Variants in KAZN observed in about 807,000 individuals in gnomAD.
KAZN encodes kazrin.
A neutral mutation model predicts 87.4 loss-of-function variants in KAZN; 40 were observed. The observed-to-expected ratio is 0.46, with a 90% confidence interval of 0.36 to 0.60. The LOEUF is 0.60. Among genes scored for constraint, KAZN ranks in the 20% least tolerant of loss-of-function variants. KAZN has a pLI of 0.00. For missense variants in KAZN, 898 were observed against 1,073.9 expected (o/e 0.84, Z 2.29); for synonymous variants, 466 against 458.3 (o/e 1.02, Z -0.22).
At chr1:14,838,420 A>G (rs1401103553) in intron 1 of KAZN, among the ~76,000 whole-genome samples, 2 of 152,206 alleles carry the variant, frequency 1.3e-5, no homozygotes, top group Non-Finnish European at 2.9e-5. Flanking sequence ...ATTGTGGGGC[A>G]TGAGATGAAC....
chr1:14,783,718 G>A (rs1490360255), intron 1 of KAZN, among the ~76,000 whole-genome samples: 1 of 152,094 alleles, frequency 6.6e-6, no homozygotes, highest in Non-Finnish European at 1.5e-5. Context: ...GGCCTTGAGC[G>A]GGGTCCTGGC....
rs372490257 is a variant in KAZN, at chr1:14,389,404, G to A, written c.249+208812G>A. Among the ~76,000 whole-genome samples the A allele has an allele frequency of 1.3e-4, 20 of 152,276 alleles. No homozygotes were observed. The South Asian group carries it at 3.3e-3, about 25-fold the overall frequency. On this transcript the variant is annotated intron_variant, in intron 2 of 16. Transcript: ENST00000636203. ...TATATCAAAGTGATATCTGCACTCC[G>A]GTGTTTGTTGCAGATCTAGTCACAA...
chr1:14,738,868 T>C (rs12144974), intron 1 of KAZN, among the ~76,000 whole-genome samples: 47,916 of 152,054 alleles, frequency 0.32, 8,256 homozygotes, highest in Middle Eastern at 0.46. Flanking sequence ...GGGCAGAGTC[T>C]GAGTTGAAAA....
At position 14,013,517 on chromosome 1, in the gene KAZN, T is replaced by C. The variant is rs539104667; in HGVS notation, c.91+119761T>C. On this transcript the variant is annotated intron_variant, in intron 1 of 16. Coordinates refer to the KAZN transcript ENST00000636203. ...TAGCAGCAAGGACTTGGCTGCTGTG[T>C]ACCCACCACTGTCAGAGGATGGTCA... 2.7e-4 allele frequency among the ~76,000 whole-genome samples: 41 copies of C among 152,302 alleles called. No homozygotes were observed. In the South Asian group the frequency reaches 5.8e-3, roughly 22 times the overall value.
chr1:14,961,377 A>G (rs1663846100), intron 2 of KAZN, among the ~76,000 whole-genome samples: 1 of 152,206 alleles, frequency 6.6e-6, no homozygotes, highest in Admixed American at 6.5e-5. Flanking sequence ...CTTGAAGACA[A>G]GGACCACAGA....
chr1:14,556,272 G>C (rs1299288950), intron 2 of KAZN, among the ~76,000 whole-genome samples: 2 of 151,872 alleles, frequency 1.3e-5, no homozygotes, highest in African/African-American at 4.8e-5. Context: ...ACCACACCCG[G>C]CTAATTTTTT....
chr1:15,041,373 T>G (rs1672913996), intron 3 of KAZN, among the ~76,000 whole-genome samples: 1 of 150,550 alleles, frequency 6.6e-6, no homozygotes, highest in African/African-American at 2.5e-5. Flanking sequence ...GTTTTGCTCT[T>G]ATTGCCCGGG....
intron 1 of KAZN, among the ~76,000 whole-genome samples, chr1:14,006,627 C>T (rs1396473512): frequency 1.3e-5 from 2 of 151,980 alleles, no homozygotes; most frequent in African/African-American, 4.8e-5. Context: ...TTCTTGGTGC[C>T]CTGGTTGAAA....
At chr1:14,050,126 A>G (rs936352040) in intron 1 of KAZN, among the ~76,000 whole-genome samples, 2 of 94,632 alleles carry the variant, frequency 2.1e-5, no homozygotes, top group South Asian at 5.1e-4. Context: ...GTGGGCATGC[A>G]TGTGCACATG....
chr1:14,718,601 G>A (rs375970389), intron 1 of KAZN, among the ~76,000 whole-genome samples: 5 of 152,034 alleles, frequency 3.3e-5, no homozygotes, highest in East Asian at 1.9e-4. Context: ...TGGTGCAGCC[G>A]CTAAGCTGAC....
intron 1 of KAZN, among the ~76,000 whole-genome samples, chr1:14,894,008 C>T (rs1467797828): frequency 2.0e-5 from 3 of 152,136 alleles, no homozygotes; most frequent in Admixed American, 1.3e-4. Context: ...TTAATCAGCA[C>T]TTAGGGACCT....
At position 14,068,348 on chromosome 1, in the gene KAZN, C is replaced by G. The variant is rs572642984; in HGVS notation, c.92-112087C>G. ...TTATTGATGCTTGCTAGATAGTTTTCTCATTTGCTTCTTACCTTGTGGGCT... is the reference window on the plus strand; with the variant it reads ...TTATTGATGCTTGCTAGATAGTTTTGTCATTTGCTTCTTACCTTGTGGGCT... On this transcript the variant is annotated intron_variant, in intron 1 of 16. Coordinates refer to the KAZN transcript ENST00000636203. Among the ~76,000 whole-genome samples, 4 of 152,288 alleles carry G rather than the reference C, an allele frequency of 2.6e-5. No individual in the cohort carries two copies. In the South Asian group the frequency reaches 8.3e-4, roughly 32 times the overall value.
chr1:14,504,197 C>T (rs1005576525), intron 2 of KAZN, among the ~76,000 whole-genome samples: 1 of 152,088 alleles, frequency 6.6e-6, no homozygotes, highest in Non-Finnish European at 1.5e-5. Flanking sequence ...TGTCTCTGAA[C>T]AACAAGATGG....
At chr1:15,008,802 C>T (rs910683166) in intron 2 of KAZN, among the ~76,000 whole-genome samples, 5 of 152,120 alleles carry the variant, frequency 3.3e-5, no homozygotes, top group Admixed American at 2.0e-4. Flanking sequence ...GCAGAGGCGG[C>T]AAAGTCATAA....
chr1:14,834,520 C>T (rs1297309277), intron 1 of KAZN, among the ~76,000 whole-genome samples: 10 of 152,120 alleles, frequency 6.6e-5, no homozygotes, highest in African/African-American at 2.4e-4. Context: ...CACCACCACG[C>T]CCAGCTGATT....
chr1:14,375,905 A>G (rs2101031864), intron 2 of KAZN, among the ~76,000 whole-genome samples: 1 of 151,530 alleles, frequency 6.6e-6, no homozygotes, highest in South Asian at 2.1e-4. Context: ...AAAAAAAAAA[A>G]AAGAAATTAC....
intron 2 of KAZN, among the ~76,000 whole-genome samples, chr1:14,431,917 T>G: frequency 6.6e-6 from 1 of 152,232 alleles, no homozygotes; most frequent in East Asian, 1.9e-4. Flanking sequence ...ATCGTGGGAC[T>G]GTGTCTTATA....
intron 2 of KAZN, among the ~76,000 whole-genome samples, chr1:14,479,056 A>T (rs985358552): frequency 2.6e-5 from 4 of 152,200 alleles, no homozygotes. Context: ...CATCTGAAGG[A>T]TTAGAAACTG....
chr1:14,940,770 T>C (rs1429991283), intron 1 of KAZN, among the ~76,000 whole-genome samples: 7 of 152,012 alleles, frequency 4.6e-5, no homozygotes, highest in Non-Finnish European at 8.8e-5. Context: ...GCAGCCCCTC[T>C]GGAAGCAGGC....
Sources: gnomAD v4.1 joint callset for allele counts (sites outside exome capture counted in the v4.1 genomes callset) on GRCh38, gnomAD v4.1.1 for gene constraint, MANE v1.5 for transcripts, NCBI Gene and HGNC (gene_info 2026-07-23, HGNC 2026-07-21) for gene names.